Variants in NOL4 observed in about 807,000 individuals in gnomAD.
NOL4 encodes the protein cancer/testis antigen 125.
In NOL4, 17 loss-of-function variants were observed where a neutral mutation model predicts 75.9. The ratio of observed to expected loss-of-function variants is 0.22; its 90% CI spans 0.15 to 0.34. The LOEUF is 0.34. NOL4 is among the 10% of genes least tolerant of loss of function. NOL4 has a pLI of 1.00. For synonymous variants in NOL4, 292 were observed against 289.9 expected (o/e 1.01, Z -0.07); for missense variants, 614 against 793.5 (o/e 0.77, Z 2.72).
In NOL4 at chr18:34,210,464, C is replaced by T. The variant is rs138986918; in HGVS notation, c.264+12526G>A. Among the ~76,000 whole-genome samples, 465 of 152,234 alleles carry T rather than the reference C, an allele frequency of 3.1e-3. 3 individuals carry two copies. The highest frequency in any genetic ancestry group is 0.011 in the African/African-American group (455 of 41,534). ...TTAAATCACATAATTATAAGTGAAA[C>T]TAGCAAAAAATAGTATGGGAAAAAC... On this transcript the variant is annotated intron_variant, in intron 1 of 10. Transcript: ENST00000261592.
chr18:34,021,038 T>C (rs920051913), intron 5 of NOL4, among the ~76,000 whole-genome samples: 2 of 152,202 alleles, frequency 1.3e-5, no homozygotes, highest in African/African-American at 4.8e-5. Flanking sequence ...ATTACATTCA[T>C]GGGAATTATA....
intron 9 of NOL4, among the ~76,000 whole-genome samples, chr18:33,939,845 G>C (rs759802674): frequency 6.6e-6 from 1 of 151,942 alleles, no homozygotes; most frequent in Non-Finnish European, 1.5e-5. Context: ...TCCTTGTCTT[G>C]TGCTGGTTTT....
intron 9 of NOL4, among the ~76,000 whole-genome samples, chr18:33,941,190 G>A (rs1040308341): frequency 3.3e-5 from 5 of 151,934 alleles, no homozygotes; most frequent in Non-Finnish European, 5.9e-5. Flanking sequence ...ATATCTGTAT[G>A]TCCCATTTTA....
chr18:34,083,367 T>G (rs1284584452), intron 5 of NOL4, among the ~76,000 whole-genome samples: 3 of 152,180 alleles, frequency 2.0e-5, no homozygotes, highest in Non-Finnish European at 2.9e-5. Context: ...GAAAGTCTGT[T>G]CTTTCAGGAA....
chr18:34,095,377 TA>T (rs977006701), intron 4 of NOL4, among the ~76,000 whole-genome samples: 1 of 151,844 alleles, frequency 6.6e-6, no homozygotes, highest in Admixed American at 6.6e-5. Flanking sequence ...AATACATACA[TA>T]TATATATACA....
At chr18:33,989,668 G>C (rs1336479903) in intron 6 of NOL4, among the ~76,000 whole-genome samples, 1 of 152,026 alleles carries the variant, frequency 6.6e-6, no homozygotes, top group Non-Finnish European at 1.5e-5. Context: ...GGAATTACTA[G>C]GGAAGTATAA....
At chr18:33,941,278 T>C (rs2068460653) in intron 9 of NOL4, among the ~76,000 whole-genome samples, 1 of 151,974 alleles carries the variant, frequency 6.6e-6, no homozygotes, top group African/African-American at 2.4e-5. Context: ...TGTAGAGTGA[T>C]ATTATAGGTA....
At chr18:34,201,986 T>C (rs544879577) in intron 1 of NOL4, among the ~76,000 whole-genome samples, 12 of 151,942 alleles carry the variant, frequency 7.9e-5, no homozygotes, top group Non-Finnish European at 1.6e-4. Flanking sequence ...TAAATATTTT[T>C]TATTATCAGC....
chr18:33,902,242 G>T (rs1212707592), intron 9 of NOL4, among the ~76,000 whole-genome samples: 9 of 151,884 alleles, frequency 5.9e-5, no homozygotes, highest in African/African-American at 1.9e-4. Flanking sequence ...GCATTGGTTT[G>T]CTCCTAATAA....
intron 5 of NOL4, among the ~76,000 whole-genome samples, chr18:34,024,194 A>AAAATATATAT: frequency 2.8e-5 from 2 of 70,698 alleles, no homozygotes; most frequent in African/African-American, 1.1e-4. Flanking sequence ...AAAAAAAAAA[A>AAAATATATAT]ATATATATAT....
chr18:34,213,065 A>C (rs1425200464), intron 1 of NOL4, among the ~76,000 whole-genome samples: 1 of 152,152 alleles, frequency 6.6e-6, no homozygotes, highest in Non-Finnish European at 1.5e-5. Flanking sequence ...GGATTATACA[A>C]GGGTGGGGGC....
intron 1 of NOL4, among the ~76,000 whole-genome samples, chr18:34,156,023 C>A (rs565961659): frequency 6.6e-6 from 1 of 152,264 alleles, no homozygotes; most frequent in Non-Finnish European, 1.5e-5. Flanking sequence ...TGATGAGCAA[C>A]TATTTTGGAT....
chr18:34,179,888 C>T (rs2146322816), intron 1 of NOL4, among the ~76,000 whole-genome samples: 1 of 151,378 alleles, frequency 6.6e-6, no homozygotes, highest in Non-Finnish European at 1.5e-5. Flanking sequence ...TTATAAACTA[C>T]TCAGTTTATG....
chr18:34,213,392 C>T (rs1362360461), intron 1 of NOL4, among the ~76,000 whole-genome samples: 2 of 152,192 alleles, frequency 1.3e-5, no homozygotes, highest in Non-Finnish European at 2.9e-5. Context: ...CGGCTTCAAG[C>T]GATTCTCCTA....
chr18:34,189,130 G>C lies in NOL4; in HGVS notation c.264+33860C>G, dbSNP rs538442340. On this transcript the variant is annotated intron_variant, in intron 1 of 10. Coordinates refer to ENST00000261592, the MANE Select transcript of NOL4 (RefSeq NM_003787.5). ...GTGGAAGCTGGAAAGTCCAAGATCA[G>C]GTGGCTGCATCTGGCCAGCGTTGGA... Among the ~76,000 whole-genome samples the C allele has an allele frequency of 2.5e-4, 38 of 152,284 alleles. 2 individuals are homozygous for C. The South Asian group carries it at 6.4e-3, about 26-fold the overall frequency.
intron 9 of NOL4, among the ~76,000 whole-genome samples, chr18:33,903,009 C>T (rs1358391069): frequency 6.6e-6 from 1 of 152,068 alleles, no homozygotes; most frequent in Non-Finnish European, 1.5e-5. Flanking sequence ...TAAACATCCT[C>T]AAAATAAAAT....
At chr18:34,171,018 C>T (rs946296589) in intron 1 of NOL4, among the ~76,000 whole-genome samples, 1 of 152,138 alleles carries the variant, frequency 6.6e-6, no homozygotes, top group Non-Finnish European at 1.5e-5. Flanking sequence ...TAGAACATGA[C>T]TTTGAGGGAA....
rs191204917 is a variant in NOL4 at position 34,020,745 on chromosome 18, A to C, written c.773-1144T>G. 2.0e-5 allele frequency among the ~76,000 whole-genome samples: 3 copies of C among 152,228 alleles called. No individual in the cohort carries two copies. The East Asian group carries it at 5.8e-4, about 29-fold the overall frequency. On this transcript the variant is annotated intron_variant, in intron 5 of 10. Coordinates refer to ENST00000261592, the MANE Select transcript of NOL4 (RefSeq NM_003787.5). Reference sequence around the variant, plus strand: ...GCTACAAAAGAGTGTGGTTGGTATGATCCCAATTTTGTTAAAAAAAAACAC... The same window carrying C: ...GCTACAAAAGAGTGTGGTTGGTATGCTCCCAATTTTGTTAAAAAAAAACAC...
chr18:33,976,028 T>A (rs753579299), intron 6 of NOL4, among the ~76,000 whole-genome samples: 9 of 152,166 alleles, frequency 5.9e-5, no homozygotes, highest in Non-Finnish European at 8.8e-5. Flanking sequence ...AAGAGTTTTT[T>A]GAGGATGGAG....
Sources: gnomAD v4.1 joint callset for allele counts (sites outside exome capture counted in the v4.1 genomes callset) on GRCh38, gnomAD v4.1.1 for gene constraint, MANE v1.5 for transcripts, NCBI Gene and HGNC (gene_info 2026-07-23, HGNC 2026-07-21) for gene names.